PGGT1B: variants seen among roughly 807,000 people sequenced by gnomAD.
PGGT1B encodes protein geranylgeranyltransferase type I subunit beta.
Under a neutral mutation model 46.1 loss-of-function variants are expected in PGGT1B, and 30 were observed. The ratio of observed to expected loss-of-function variants is 0.65; its 90% CI spans 0.49 to 0.88. PGGT1B has a LOEUF of 0.88. Among genes scored for constraint, PGGT1B ranks in the 40% least tolerant of loss-of-function variants. The probability of loss-of-function intolerance (pLI) is 0.00; values close to 1 mark genes in which losing one functional copy is unlikely to be tolerated. For synonymous variants in PGGT1B, 170 were observed against 160.0 expected (o/e 1.06, Z -0.47); for missense variants, 376 against 455.9 (o/e 0.82, Z 1.60).
chr5:115,219,958 G>A (rs550381549), intron 7 of PGGT1B, among the ~76,000 whole-genome samples: 4 of 151,776 alleles, frequency 2.6e-5, no homozygotes, highest in African/African-American at 7.2e-5. Flanking sequence ...ATGTTGGTGA[G>A]GATGTAGAGA....
chr5:115,250,004 A>G (rs185898579), intron 2 of PGGT1B, among the ~76,000 whole-genome samples: 2 of 152,288 alleles, frequency 1.3e-5, no homozygotes, highest in Admixed American at 1.3e-4. Context: ...CTAAAGGACA[A>G]TGTATCTTTT....
At chr5:115,236,846 C>T (rs1434880061) in intron 4 of PGGT1B, among the ~76,000 whole-genome samples, 1 of 152,056 alleles carries the variant, frequency 6.6e-6, no homozygotes, top group Non-Finnish European at 1.5e-5. Context: ...AGTATACTGG[C>T]TTGAGAATGG....
intron 6 of PGGT1B, 55 bp from the exon 7 acceptor site, chr5:115,222,063 T>C (rs1363119005): frequency 5.4e-5 from 56 of 1,046,396 alleles, no homozygotes; most frequent in Non-Finnish European, 7.4e-5. Flanking sequence ...CTTATGAAAA[T>C]AGTACAAAAT....
At chr5:115,213,386 G>A (rs1207736322) in intron 8 of PGGT1B, among the ~76,000 whole-genome samples, 1 of 152,274 alleles carries the variant, frequency 6.6e-6, no homozygotes, top group East Asian at 1.9e-4. Flanking sequence ...GAGCTTTGCA[G>A]TTATAGGAAC....
intron 1 of PGGT1B, among the ~76,000 whole-genome samples, chr5:115,254,255 T>C (rs1031689923): frequency 6.6e-6 from 1 of 152,068 alleles, no homozygotes; most frequent in Non-Finnish European, 1.5e-5. Context: ...ATCCCTTATC[T>C]GAAATGCTTG....
At position 115,238,006 on chromosome 5, in the gene PGGT1B, G is replaced by T; in HGVS notation, c.331C>A (p.Pro111Thr). 6.3e-7 allele frequency: 1 copy of T among 1,591,138 alleles called. No individual in the cohort carries two copies. Among genetic ancestry groups the T allele is most frequent in the Non-Finnish European group, 8.5e-7 (1 of 1,171,124 alleles). ...LGIPFNPSKAPGTAHPYDSGH... is the reference protein window; with the variant it reads ...LGIPFNPSKATGTAHPYDSGH... ...CTATCATAAGGATGAGCTGTTCCAG[G>T]AGCCTAAATACAAAATTAATATAGT... The change falls in exon 4 of 9, where the codon CCT (proline) becomes ACT (threonine). Residue 111 changes from proline to threonine, a missense_variant. Physicochemically the swap from Pro to Thr is conservative, Grantham distance 38. This residue lies in a region of PGGT1B where 154 missense variants were observed against 142.3 expected (regional missense o/e 1.08). Transcript: ENST00000419445.
chr5:115,242,527 G>C (rs1042315255), intron 2 of PGGT1B, among the ~76,000 whole-genome samples: 1 of 152,080 alleles, frequency 6.6e-6, no homozygotes, highest in African/African-American at 2.4e-5. Context: ...TTCTGCATTA[G>C]GTACTATATT....
At chr5:115,231,675 G>C (rs113504018) in intron 5 of PGGT1B, 122 of 151,928 alleles carry the variant, frequency 8.0e-4, no homozygotes, top group African/African-American at 2.7e-3. Context: ...ATGAGAGGAG[G>C]GGAGCTAACA....
At chr5:115,229,722 A>G (rs1756918848) in intron 6 of PGGT1B, among the ~76,000 whole-genome samples, 1 of 152,172 alleles carries the variant, frequency 6.6e-6, no homozygotes, top group South Asian at 2.1e-4. Flanking sequence ...AGAAATTCTT[A>G]GAGCCGCCAG....
intron 2 of PGGT1B, among the ~76,000 whole-genome samples, chr5:115,251,114 T>C (rs1243549882): frequency 2.0e-5 from 3 of 152,158 alleles, no homozygotes; most frequent in Non-Finnish European, 2.9e-5. Flanking sequence ...TAATTTCTGC[T>C]GAGTATACAC....
chr5:115,242,652 G>A (rs982421276), intron 2 of PGGT1B, among the ~76,000 whole-genome samples: 3 of 152,062 alleles, frequency 2.0e-5, no homozygotes, highest in Admixed American at 2.0e-4. Context: ...CTCCCTACTG[G>A]CGAAAAATGT....
At chr5:115,216,815 G>C in intron 8 of PGGT1B, 50 bp downstream of exon 8, 1 of 880,988 alleles carries the variant, frequency 1.1e-6, no homozygotes, top group Non-Finnish European at 1.9e-6. Flanking sequence ...GATGCTTGAA[G>C]ATCTATTCAG....
chr5:115,231,008 C>T lies in PGGT1B; in HGVS notation c.626G>A (p.Gly209Glu). ...YIRRSMSYDNGLAQGAGLESH... is the reference protein window; with the variant it reads ...YIRRSMSYDNELAQGAGLESH... ...TTCAAGTCCAGCTCCCTGTGCCAGT[C>T]CATTGTCATAGGACTGAAAAAGAAA... The change falls in exon 6 of 9, where the codon GGA (glycine) becomes GAA (glutamate). Residue 209 changes from glycine to glutamate, a missense_variant. Coordinates refer to ENST00000419445, the MANE Select transcript of PGGT1B (RefSeq NM_005023.4). 6.4e-7 allele frequency: 1 copy of T among 1,561,892 alleles called. No homozygotes were observed. The highest frequency in any genetic ancestry group is 1.4e-5 in the African/African-American group (1 of 73,044).
intron 6 of PGGT1B, among the ~76,000 whole-genome samples, chr5:115,227,625 G>C (rs1165752682): frequency 6.6e-6 from 1 of 152,174 alleles, no homozygotes; most frequent in Non-Finnish European, 1.5e-5. Context: ...TTGTCCACCT[G>C]TGCCACTGTT....
At chr5:115,255,075 T>C (rs1748255343) in intron 1 of PGGT1B, among the ~76,000 whole-genome samples, 1 of 152,174 alleles carries the variant, frequency 6.6e-6, no homozygotes. Context: ...CCAATAATTA[T>C]TTTAATCATT....
chr5:115,223,353 G>A (rs918875651), intron 6 of PGGT1B, among the ~76,000 whole-genome samples: 4 of 152,120 alleles, frequency 2.6e-5, no homozygotes, highest in African/African-American at 9.7e-5. Context: ...TCTTGAAATG[G>A]GGAGATTATT....
intron 6 of PGGT1B, among the ~76,000 whole-genome samples, chr5:115,224,232 C>G (rs953004811): frequency 5.6e-4 from 85 of 152,258 alleles, no homozygotes; most frequent in African/African-American, 1.7e-3. Context: ...GCCATGACTT[C>G]AAGTTTTATT....
intron 2 of PGGT1B, among the ~76,000 whole-genome samples, chr5:115,251,543 A>G (rs192945945): frequency 6.6e-6 from 1 of 152,238 alleles, no homozygotes; most frequent in East Asian, 1.9e-4. Context: ...ATAGAAGAAA[A>G]GACAGAAAGT....
chr5:115,262,772 C>A lies in PGGT1B; in HGVS notation c.80G>T (p.Arg27Leu). 1 of 1,613,482 alleles carries A rather than the reference C, an allele frequency of 6.2e-7. No individual in the cohort carries two copies. Among genetic ancestry groups the A allele is most frequent in the Non-Finnish European group, 8.5e-7 (1 of 1,179,786 alleles). ...RLDFLRDRHV[R>L]FFQRCLQVLP... ...AACCTGGAGGCAGCGCTGGAAAAAT[C>A]GCACGTGCCGATCCCGTAAGAAATC... Residue 27 changes from arginine to leucine, a missense_variant, in exon 1 of 9, where the codon CGA becomes CTA. Arg to Leu is a moderately radical substitution (Grantham distance 102, BLOSUM62 -2). This residue lies in a region of PGGT1B where 154 missense variants were observed against 142.3 expected (regional missense o/e 1.08). Transcript: ENST00000419445.
Sources: allele counts gnomAD v4.1 joint callset (sites outside exome capture counted in the v4.1 genomes callset), GRCh38; gene constraint gnomAD v4.1.1; regional missense constraint gnomAD v4.1.1; transcripts MANE v1.5; gene names NCBI Gene and HGNC (gene_info 2026-07-23, HGNC 2026-07-21).